Variants in PANK3 observed in about 807,000 individuals in gnomAD.
PANK3 encodes pantothenate kinase 3.
In PANK3, 20 loss-of-function variants were observed where a neutral mutation model predicts 39.4. The observed-to-expected ratio is 0.51, with a 90% CI of 0.36 to 0.74. PANK3 has a LOEUF of 0.74. Ranked by LOEUF, PANK3 falls within the 30% of genes least tolerant of loss-of-function variation. The probability of loss-of-function intolerance (pLI) is 0.00; values close to 1 mark genes in which losing one functional copy is unlikely to be tolerated. For synonymous variants in PANK3, 140 were observed against 157.3 expected (o/e 0.89, Z 0.82); for missense variants, 265 against 437.0 (o/e 0.61, Z 3.51).
chr5:168,565,885 A>ATTT (rs57664567), intron 3 of PANK3, 128 bp downstream of exon 3: 19 of 194,730 alleles, frequency 9.8e-5, no homozygotes, highest in East Asian at 5.8e-4. Flanking sequence ...ATATATATAT[A>ATTT]TTTTTTTTTT....
chr5:168,571,624 A>G (rs1030287688), intron 1 of PANK3, among the ~76,000 whole-genome samples: 1 of 152,260 alleles, frequency 6.6e-6, no homozygotes, highest in Non-Finnish European at 1.5e-5. Flanking sequence ...AAAAGTTGCC[A>G]ATAAAAATTA....
At chr5:168,564,738 G>T (rs757740626) in intron 3 of PANK3, among the ~76,000 whole-genome samples, 3 of 152,100 alleles carry the variant, frequency 2.0e-5, no homozygotes, top group Non-Finnish European at 2.9e-5. Flanking sequence ...GCCCATCTTT[G>T]TAATTTTAAA....
chr5:168,559,317 T>C (rs1334766651), intron 5 of PANK3, among the ~76,000 whole-genome samples, 160 bp from the exon 6 acceptor site: 1 of 152,164 alleles, frequency 6.6e-6, no homozygotes, highest in African/African-American at 2.4e-5. Flanking sequence ...AGCTGTATAA[T>C]CCTGAATATT....
chr5:168,565,868 A>AAAATATATATAT, intron 3 of PANK3, 145 bp downstream of exon 3: 58 of 131,930 alleles, frequency 4.4e-4, no homozygotes, highest in African/African-American at 7.1e-4. Flanking sequence ...AAAAAAAAAA[A>AAAATATATATAT]ATATATATAT....
Position 168,563,919 on chromosome 5 carries a change from A to T in PANK3, c.782T>A (p.Phe261Tyr). 6.2e-7 allele frequency: 1 copy of T among 1,611,208 alleles called. No homozygotes were observed. The highest frequency in any genetic ancestry group is 8.5e-7 in the Non-Finnish European group (1 of 1,178,752). The change falls in exon 4 of 7, where the codon TTT becomes TAT. Residue 261 changes from phenylalanine to tyrosine, a missense_variant. By Grantham distance (22) the Phe-to-Tyr change is conservative. Around this residue, in one of 3 missense-constraint regions of PANK3, gnomAD observed 110 missense variants for 161.2 expected, o/e 0.68. Transcript: ENST00000239231. ...TGCTACAGCCCAACCTGGCAAACCAAATCTTTCATAATCTCCTCCATAAAT... is the reference window on the plus strand; with the variant it reads ...TGCTACAGCCCAACCTGGCAAACCATATCTTTCATAATCTCCTCCATAAAT... ...RDIYGGDYER[F>Y]GLPGWAVASS...
intron 1 of PANK3, among the ~76,000 whole-genome samples, chr5:168,576,158 A>G (rs1759727572): frequency 6.6e-6 from 1 of 152,208 alleles, no homozygotes; most frequent in African/African-American, 2.4e-5. Flanking sequence ...CTACTACCCC[A>G]ACTATCTACT....
intron 1 of PANK3, among the ~76,000 whole-genome samples, chr5:168,570,916 G>GT (rs1759619599): frequency 6.6e-6 from 1 of 152,160 alleles, no homozygotes; most frequent in East Asian, 1.9e-4. Context: ...GCCATCTTAA[G>GT]TAACACCCTC....
At chr5:168,560,338 C>T (rs1245723671) in intron 5 of PANK3, among the ~76,000 whole-genome samples, 2 of 152,132 alleles carry the variant, frequency 1.3e-5, no homozygotes, top group Non-Finnish European at 2.9e-5. Context: ...TGCACAGTTT[C>T]CCCCTCACCT....
At chr5:168,571,488 C>T (rs538036865) in intron 1 of PANK3, among the ~76,000 whole-genome samples, 1 of 152,198 alleles carries the variant, frequency 6.6e-6, no homozygotes, top group Admixed American at 6.5e-5. Context: ...AAGATTCCAT[C>T]CTAAAAATAT....
rs2113092680 is a variant in PANK3 at position 168,549,400 on chromosome 5, T to A, written c.*8171A>T. Reference sequence around the variant, plus strand: ...AAGTTGAAATAATCCCAAATTATTTTACATTATTTATGTATACTTTACAAA... The same window carrying A: ...AAGTTGAAATAATCCCAAATTATTTAACATTATTTATGTATACTTTACAAA... On this transcript the variant is annotated 3_prime_UTR_variant, in exon 7 of 7. Coordinates refer to ENST00000239231, the MANE Select transcript of PANK3 (RefSeq NM_024594.4). 6.6e-6 allele frequency: 1 copy of A among 152,352 alleles called. No individual in the cohort carries two copies. The highest frequency in any genetic ancestry group is 2.4e-5 in the African/African-American group (1 of 41,596). The allele number at this position is 152,352 out of a possible 1,614,324, so 9.4% of individuals were successfully genotyped here. A position where few individuals can be genotyped will look rare whatever the true frequency, so the allele number is the denominator to read the frequency against.
intron 1 of PANK3, among the ~76,000 whole-genome samples, chr5:168,576,261 G>C (rs1429091172): frequency 6.6e-6 from 1 of 152,072 alleles, no homozygotes; most frequent in Non-Finnish European, 1.5e-5. Flanking sequence ...CATTTTCTCT[G>C]GTCTTAACAA....
At chr5:168,567,383 T>C (rs1759553404) in intron 2 of PANK3, among the ~76,000 whole-genome samples, 1 of 152,204 alleles carries the variant, frequency 6.6e-6, no homozygotes, top group Non-Finnish European at 1.5e-5. Context: ...CTCCTGTCTT[T>C]ATATTATAGT....
intron 1 of PANK3, among the ~76,000 whole-genome samples, chr5:168,571,283 A>T (rs1333302801): frequency 6.6e-6 from 1 of 152,224 alleles, no homozygotes. Context: ...TTTTAGAATT[A>T]GTTTAAAGCA....
At chr5:168,563,623 G>A (rs1219823259) in intron 4 of PANK3, among the ~76,000 whole-genome samples, 5 of 150,060 alleles carry the variant, frequency 3.3e-5, no homozygotes, top group African/African-American at 9.8e-5. Flanking sequence ...TATATGGGGA[G>A]AAAAGTAAAA....
intron 1 of PANK3, among the ~76,000 whole-genome samples, chr5:168,574,904 A>G (rs1160866451): frequency 6.6e-6 from 1 of 152,152 alleles, no homozygotes; most frequent in East Asian, 1.9e-4. Flanking sequence ...AAATCAAGCA[A>G]GTATCTACAT....
intron 1 of PANK3, among the ~76,000 whole-genome samples, chr5:168,572,916 GAAGA>G (rs1296744605): frequency 7.9e-5 from 12 of 152,238 alleles, no homozygotes; most frequent in Non-Finnish European, 1.3e-4. Context: ...AGATTCAACT[GAAGA>G]AAGATTTTGT....
rs1582458711 is a variant in PANK3, at chr5:168,553,451, A to T, written c.*4120T>A. The stretch of plus-strand genomic sequence containing the variant: ...TGATAAGCATTGAACTGCACCTGCC[A>T]AAGTGGTTGACAAAGAGTGCAACAG... On this transcript the variant is annotated 3_prime_UTR_variant, in exon 7 of 7. Coordinates refer to ENST00000239231, the MANE Select transcript of PANK3 (RefSeq NM_024594.4). 1 of 397,112 alleles carries T rather than the reference A, an allele frequency of 2.5e-6. No individual in the cohort carries two copies. The highest frequency in any genetic ancestry group is 7.3e-5 in the East Asian group (1 of 13,690). The allele number at this position is 397,112 out of a possible 1,614,324, so 24.6% of individuals were successfully genotyped here.
At chr5:168,570,039 G>T (rs2113124840) in intron 1 of PANK3, among the ~76,000 whole-genome samples, 1 of 152,136 alleles carries the variant, frequency 6.6e-6, no homozygotes, top group Middle Eastern at 3.4e-3. Context: ...AACAGAGTGA[G>T]ATCCTGTCAT....
In PANK3 at chr5:168,553,223, G is replaced by C; in HGVS notation, c.*4348C>G. 2.0e-6 allele frequency: 1 copy of C among 505,758 alleles called. No homozygotes were observed. The highest frequency in any genetic ancestry group is 4.0e-6 in the Non-Finnish European group (1 of 247,810). The allele number at this position is 505,758 out of a possible 1,614,324, so 31.3% of individuals were successfully genotyped here. The stretch of plus-strand genomic sequence containing the variant: ...TCCAGACCAAAGATCTGGATCTCCA[G>C]AATACCAACGACGTCCAGCTGGTTG... On this transcript the variant is annotated 3_prime_UTR_variant, in exon 7 of 7. Transcript: ENST00000239231.
Sources: allele counts gnomAD v4.1 joint callset (sites outside exome capture counted in the v4.1 genomes callset), GRCh38; gene constraint gnomAD v4.1.1; regional missense constraint gnomAD v4.1.1; transcripts MANE v1.5; gene names NCBI Gene and HGNC (gene_info 2026-07-23, HGNC 2026-07-21).